Variants in GRID1 observed in about 807,000 individuals in gnomAD.
The protein encoded by GRID1 is glutamate receptor ionotropic, delta-1.
Under a neutral mutation model 98.0 loss-of-function variants are expected in GRID1, and 28 were observed. The observed-to-expected ratio is 0.29, with a 90% confidence interval of 0.21 to 0.39. GRID1 has a LOEUF of 0.39. GRID1 is among the 10% of genes least tolerant of loss of function. GRID1 has a pLI of 1.00. For missense variants in GRID1, 1,111 were observed against 1,340.5 expected, an observed-to-expected ratio of 0.83 and a Z score of 2.67; for synonymous variants, 553 against 538.5, an observed-to-expected ratio of 1.03 and a Z score of -0.37.
At chr10:85,756,474 A>G in intron 8 of GRID1, among the ~76,000 whole-genome samples, 1 of 152,330 alleles carries the variant, frequency 6.6e-6, no homozygotes, top group Non-Finnish European at 1.5e-5. Flanking sequence ...GAACACAAGC[A>G]TTGAAATCCT....
At chr10:85,888,173 G>GC (rs1199223298) in intron 5 of GRID1, among the ~76,000 whole-genome samples, 2 of 152,272 alleles carry the variant, frequency 1.3e-5, no homozygotes, top group African/African-American at 4.8e-5. Flanking sequence ...TATAAATGAC[G>GC]CAATAGCTTC....
At chr10:86,073,522 G>A (rs959370753) in intron 4 of GRID1, among the ~76,000 whole-genome samples, 7 of 152,246 alleles carry the variant, frequency 4.6e-5, no homozygotes, top group South Asian at 2.1e-4. Context: ...TGGAAACAGG[G>A]TTTGCTAGTG....
intron 13 of GRID1, among the ~76,000 whole-genome samples, chr10:85,636,431 T>C (rs1843042244): frequency 6.6e-6 from 1 of 152,184 alleles, no homozygotes; most frequent in South Asian, 2.1e-4. Flanking sequence ...AATTTACATG[T>C]CCATCACTTC....
At chr10:86,260,616 C>CT (rs1847001756) in intron 2 of GRID1, among the ~76,000 whole-genome samples, 1 of 152,216 alleles carries the variant, frequency 6.6e-6, no homozygotes. Flanking sequence ...CCAGGGAGGG[C>CT]TGTTAAGAGC....
chr10:86,340,943 G>GC (rs1848301850), intron 2 of GRID1, among the ~76,000 whole-genome samples: 1 of 152,092 alleles, frequency 6.6e-6, no homozygotes, highest in East Asian at 1.9e-4. Context: ...ACCACAGGCA[G>GC]CCCCCAACCC....
intron 3 of GRID1, among the ~76,000 whole-genome samples, chr10:86,152,500 C>T (rs1045645498): frequency 1.3e-5 from 2 of 152,266 alleles, no homozygotes; most frequent in African/African-American, 4.8e-5. Context: ...CGAGAGCCCC[C>T]ATAGCTGGAG....
intron 4 of GRID1, among the ~76,000 whole-genome samples, chr10:86,061,040 C>G (rs1168628805): frequency 6.6e-6 from 1 of 152,178 alleles, no homozygotes; most frequent in Non-Finnish European, 1.5e-5. Context: ...AGTGGTCTCT[C>G]TCACCTTGGC....
intron 8 of GRID1, among the ~76,000 whole-genome samples, chr10:85,739,594 CA>C (rs978887835): frequency 2.0e-5 from 3 of 151,826 alleles, no homozygotes; most frequent in African/African-American, 7.3e-5. Flanking sequence ...CAACTCAAAA[CA>C]AAACAAAACA....
intron 8 of GRID1, among the ~76,000 whole-genome samples, chr10:85,809,954 A>T (rs1466579125): frequency 2.6e-5 from 4 of 152,224 alleles, no homozygotes; most frequent in Non-Finnish European, 5.9e-5. Context: ...TCTGGAATTC[A>T]CATGGCTGCT....
chr10:85,798,825 T>C (rs940130181), intron 8 of GRID1, among the ~76,000 whole-genome samples: 2 of 152,168 alleles, frequency 1.3e-5, no homozygotes, highest in African/African-American at 4.8e-5. Flanking sequence ...CACTGTTGAT[T>C]GTTTCCTTTG....
chr10:86,173,781 T>C (rs1845530997), intron 3 of GRID1, among the ~76,000 whole-genome samples: 1 of 139,454 alleles, frequency 7.2e-6, no homozygotes, highest in Non-Finnish European at 1.5e-5. Context: ...TGTGTCCATG[T>C]GTTCTCATTG....
intron 2 of GRID1, among the ~76,000 whole-genome samples, chr10:86,321,453 C>A (rs1055720398): frequency 2.0e-5 from 3 of 152,112 alleles, no homozygotes; most frequent in African/African-American, 7.2e-5. Flanking sequence ...GGGGTTCTTT[C>A]CTGCAGGAGC....
chr10:85,674,473 A>C (rs1319567405), intron 12 of GRID1, among the ~76,000 whole-genome samples: 1 of 152,224 alleles, frequency 6.6e-6, no homozygotes, highest in Admixed American at 6.5e-5. Context: ...CTTATATTAT[A>C]TCTTTTGTGA....
intron 14 of GRID1, among the ~76,000 whole-genome samples, chr10:85,617,210 G>A (rs1842800373): frequency 1.3e-5 from 2 of 150,930 alleles, no homozygotes; most frequent in South Asian, 4.2e-4. Flanking sequence ...AGTTCTGCAT[G>A]CACCATACAA....
chr10:85,958,896 G>A (rs1267933596), intron 4 of GRID1, among the ~76,000 whole-genome samples: 1 of 151,074 alleles, frequency 6.6e-6, no homozygotes, highest in Admixed American at 6.6e-5. Flanking sequence ...GCCAGAGGTT[G>A]TGGTGAGCCA....
chr10:86,203,794 G>A lies in GRID1; in HGVS notation c.520+2570C>T, dbSNP rs147121984. 2.2e-3 allele frequency among the ~76,000 whole-genome samples: 330 copies of A among 152,108 alleles called. 1 individual carries two copies. Among genetic ancestry groups the A allele is most frequent in the African/African-American group, 7.7e-3 (321 of 41,528 alleles). The stretch of plus-strand genomic sequence containing the variant: ...ACCTCCACCCTCCAGGTCTGAACCA[G>A]CAAACATGACAGGTCTCTGCCAATC... On this transcript the variant is annotated intron_variant, in intron 3 of 15. Coordinates refer to ENST00000327946, the MANE Select transcript of GRID1 (RefSeq NM_017551.3).
At chr10:86,249,496 G>A (rs117789378) in intron 2 of GRID1, among the ~76,000 whole-genome samples, 6,138 of 152,186 alleles carry the variant, frequency 0.04, 233 homozygotes, top group Admixed American at 0.11. Context: ...CAGACCAGCC[G>A]CACAACAGTT....
At chr10:86,208,295 G>A (rs752282466) in intron 2 of GRID1, among the ~76,000 whole-genome samples, 4 of 152,260 alleles carry the variant, frequency 2.6e-5, no homozygotes, top group African/African-American at 9.6e-5. Context: ...CTAAACAAGA[G>A]ATGATGAGAT....
chr10:86,084,756 T>C (rs1484635769), intron 4 of GRID1, among the ~76,000 whole-genome samples: 1 of 152,214 alleles, frequency 6.6e-6, no homozygotes, highest in Non-Finnish European at 1.5e-5. Context: ...AAGAACATTA[T>C]GCTAAGTGCA....
Sources: gnomAD v4.1 joint callset for allele counts (sites outside exome capture counted in the v4.1 genomes callset) on GRCh38, gnomAD v4.1.1 for gene constraint, MANE v1.5 for transcripts, NCBI Gene and HGNC (gene_info 2026-07-23, HGNC 2026-07-21) for gene names.